Variants in CLN5 observed in about 807,000 individuals in gnomAD.
CLN5 encodes bis(monoacylglycero)phosphate synthase CLN5.
Under a neutral mutation model 36.7 loss-of-function variants are expected in CLN5, and 34 were observed. The ratio of observed to expected loss-of-function variants is 0.93; its 90% CI spans 0.71 to 1.23. The LOEUF is 1.23. CLN5 is among the 50% of genes most tolerant of loss of function. The pLI, the probability that CLN5 is intolerant of heterozygous loss-of-function variation, is 0.00. For synonymous variants in CLN5, 151 were observed against 155.1 expected (o/e 0.97, Z 0.20); for missense variants, 427 against 439.4 (o/e 0.97, Z 0.25).
chr13:77,000,341 T>C (rs2034336217), intron 3 of CLN5, 117 bp from the exon 4 acceptor site: 5 of 927,472 alleles, frequency 5.4e-6, no homozygotes, highest in Non-Finnish European at 6.3e-6. Context: ...GCTGTGATGT[T>C]ACCACCGCAC....
chr13:76,995,341 T>C, intron 2 of CLN5, 113 bp downstream of exon 2: 1 of 971,382 alleles, frequency 1.0e-6, no homozygotes, highest in Admixed American at 1.7e-5. Flanking sequence ...ATGTTGGTGT[T>C]TGTCTTAGTA....
chr13:76,996,482 A>C (rs756778943), intron 3 of CLN5: 1 of 271,064 alleles, frequency 3.7e-6, no homozygotes, highest in Non-Finnish European at 7.1e-6. Flanking sequence ...TCCCAAAGTT[A>C]ATCATTCTTA....
chr13:76,996,154 T>G, intron 3 of CLN5, 27 bp downstream of exon 3: 1 of 1,543,012 alleles, frequency 6.5e-7, no homozygotes, highest in Non-Finnish European at 9.0e-7. Context: ...TAGCAATATT[T>G]GATCATTGCA....
chr13:76,995,654 T>C lies in CLN5; in HGVS notation c.340-248T>C, dbSNP rs45587934. ...TCTAAGCTCTAAGGAAATTATCAGC[T>C]TGTCCACATAACATGCAGGCCTCCT... On this transcript the variant is annotated intron_variant, in intron 2 of 3. Coordinates refer to ENST00000377453, the MANE Select transcript of CLN5 (RefSeq NM_006493.4). 2,293 of 569,946 alleles carry C rather than the reference T, an allele frequency of 4.0e-3. 46 individuals carry two copies. Among genetic ancestry groups the C allele is most frequent in the African/African-American group, 0.039 (2,081 of 53,436 alleles). The allele number at this position is 569,946 out of a possible 1,614,324, so 35.3% of individuals were successfully genotyped here.
At position 77,000,691 on chromosome 13, in the gene CLN5, A is replaced by G. The variant is rs752135206; in HGVS notation, c.799A>G (p.Thr267Ala). ...TRIFLYSGEP[T>A]YLGNETSVFG... ...AATATTTCTTTACAGTGGAGAACCT[A>G]CTTATCTGGGAAATGAAACATCTGT... Residue 267 changes from threonine (T) to alanine (A), a missense_variant, in exon 4 of 4, where the codon ACT (threonine) becomes GCT (alanine). By Grantham distance (58) the Thr-to-Ala change is moderately conservative. Coordinates refer to ENST00000377453, the MANE Select transcript of CLN5 (RefSeq NM_006493.4). 3.1e-6 allele frequency: 5 copies of G among 1,614,004 alleles called. No homozygotes were observed. Among genetic ancestry groups the G allele is most frequent in the African/African-American group, 1.3e-5 (1 of 74,938 alleles).
At position 76,996,049 on chromosome 13, in the gene CLN5, G is replaced by A. The variant is rs148544801; in HGVS notation, c.487G>A (p.Ala163Thr). The A allele has an allele frequency of 5.0e-6, 8 of 1,614,010 alleles. No homozygotes were observed. The highest frequency in any genetic ancestry group is 2.2e-5 in the East Asian group (1 of 44,884). The change falls in exon 3 of 4, where the codon GCT becomes ACT. Residue 163 changes from alanine (A) to threonine (T), a missense_variant. By Grantham distance (58) the Ala-to-Thr change is moderately conservative. Coordinates refer to ENST00000377453, the MANE Select transcript of CLN5 (RefSeq NM_006493.4). ...TGCCCCTTTCTGGTGTAATCAAGGC[G>A]CTGCCTGCTTTTTTGAGGGAATTGA... ...MDAPFWCNQG[A>T]ACFFEGIDDV...
chr13:76,999,330 GC>G (rs1277096925), intron 3 of CLN5: 1 of 152,214 alleles, frequency 6.6e-6, no homozygotes, highest in Non-Finnish European at 1.5e-5. Flanking sequence ...CATTATAAAT[GC>G]CCAAGATGAG....
rs1213074445 is a variant in CLN5, at chr13:76,992,225, C to T, written c.127C>T (p.Arg43Trp). 6.3e-7 allele frequency: 1 copy of T among 1,595,942 alleles called. No homozygotes were observed. Among genetic ancestry groups the T allele is most frequent in the Non-Finnish European group, 8.5e-7 (1 of 1,175,824 alleles). The change falls in exon 1 of 4, where the codon CGG (arginine) becomes TGG (tryptophan). Residue 43 changes from arginine (R) to tryptophan (W), a missense_variant. Arg to Trp is a moderately radical substitution (Grantham distance 101, BLOSUM62 -3). Coordinates refer to ENST00000377453, the MANE Select transcript of CLN5 (RefSeq NM_006493.4). ...GCTCGCGGTGGTTCCGGGCTGGTCC[C>T]GGGTCTCGGGCATCCCCTCCCGGCG... ...LWLAVVPGWS[R>W]VSGIPSRRHW... is the part of the protein sequence containing the mutation.
chr13:76,996,963 T>A (rs988009029), intron 3 of CLN5: 1 of 151,548 alleles, frequency 6.6e-6, no homozygotes, highest in Admixed American at 6.6e-5. Context: ...CCAATATCTA[T>A]TTTTTTTTAT....
Position 77,001,857 on chromosome 13 carries a change from AG to A in CLN5, c.*890del, listed in dbSNP as rs1170024259. 6.6e-6 allele frequency: 1 copy of A among 152,232 alleles called. No homozygotes were observed. 9.4% of individuals were successfully genotyped at this position (152,232 alleles called of 1,614,324 possible). ...TGGCTGCAGACACGTTTGGGTAAACAGGCACCTTCTGACTTCTTCATTGTTT... is the reference window on the plus strand; with the variant it reads ...TGGCTGCAGACACGTTTGGGTAAACAGCACCTTCTGACTTCTTCATTGTTT... On this transcript the variant is annotated 3_prime_UTR_variant, in exon 4 of 4. Transcript: ENST00000377453.
At chr13:76,995,454 C>T in intron 2 of CLN5, 1 of 559,440 alleles carries the variant, frequency 1.8e-6, no homozygotes, top group East Asian at 3.2e-5. Context: ...AATCTGAAAC[C>T]AGCTCCTGTA....
At position 77,002,175 on chromosome 13, in the gene CLN5, G is replaced by A. The variant is rs1284443668; in HGVS notation, c.*1206G>A. The A allele has an allele frequency of 6.6e-6, 1 of 152,190 alleles. No homozygotes were observed. The highest frequency in any genetic ancestry group is 1.5e-5 in the Non-Finnish European group (1 of 68,040). The allele number at this position is 152,190 out of a possible 1,614,324, so 9.4% of individuals were successfully genotyped here. Reference sequence around the variant, plus strand: ...TCAACTTTCAAGTACTTCCTGAGAGGTTAGTACATTATTATTGAGCTCTCA... The same window carrying A: ...TCAACTTTCAAGTACTTCCTGAGAGATTAGTACATTATTATTGAGCTCTCA... On this transcript the variant is annotated 3_prime_UTR_variant, in exon 4 of 4. Coordinates refer to ENST00000377453, the MANE Select transcript of CLN5 (RefSeq NM_006493.4).
Position 77,001,075 on chromosome 13 carries a change from A to G in CLN5, c.*106A>G. ...TTAGCCTTTCTTCCTTGGTGCATAA[A>G]GTTAAAATGCACATCAGCAGAATTG... is the stretch of plus-strand genomic sequence containing the variant. On this transcript the variant is annotated 3_prime_UTR_variant, in exon 4 of 4. Transcript: ENST00000377453. 1.0e-6 allele frequency: 1 copy of G among 979,806 alleles called. No individual in the cohort carries two copies. Among genetic ancestry groups the G allele is most frequent in the Non-Finnish European group, 1.5e-6 (1 of 647,556 alleles). The allele number at this position is 979,806 out of a possible 1,614,324, so 60.7% of individuals were successfully genotyped here.
In CLN5 at chr13:76,992,199, G is replaced by A. The variant is rs1392663300; in HGVS notation, c.101G>A (p.Trp34Ter). The A allele has an allele frequency of 6.2e-7, 1 of 1,603,768 alleles. No individual in the cohort carries two copies. Among genetic ancestry groups the A allele is most frequent in the South Asian group, 1.1e-5 (1 of 90,504 alleles). The change falls in exon 1 of 4, where the codon TGG (tryptophan) becomes TAG (stop). Residue 34 changes from tryptophan to a stop codon, truncating the protein, a stop_gained. Transcript: ENST00000377453. LOFTEE classifies it high-confidence loss of function. ...TGGTGCTGGGCCCTGGCGCTGCTTT[G>A]GCTCGCGGTGGTTCCGGGCTGGTCC... is the stretch of plus-strand genomic sequence containing the variant. Reference protein sequence around the residue: ...ASWCWALALLWLAVVPGWSRV... With the variant: ...ASWCWALALL
chr13:77,000,096 A>C (rs1487044919), intron 3 of CLN5: 1 of 152,926 alleles, frequency 6.5e-6, no homozygotes, highest in Non-Finnish European at 1.5e-5. Flanking sequence ...ATGGTAGCTC[A>C]AACCTATAAT....
chr13:77,001,885 C>A lies in CLN5; in HGVS notation c.*916C>A, dbSNP rs930149979. ...CACCTTCTGACTTCTTCATTGTTTC[C>A]TGTAGTTCTCCCTCTTCCCACAAAG... On this transcript the variant is annotated 3_prime_UTR_variant, in exon 4 of 4. Coordinates refer to ENST00000377453, the MANE Select transcript of CLN5 (RefSeq NM_006493.4). 1 of 152,184 alleles carries A rather than the reference C, an allele frequency of 6.6e-6. No individual in the cohort carries two copies. Among genetic ancestry groups the A allele is most frequent in the Non-Finnish European group, 1.5e-5 (1 of 68,028 alleles). 9.4% of individuals were successfully genotyped at this position (152,184 alleles called of 1,614,324 possible).
intron 1 of CLN5, 200 bp from the exon 2 acceptor site, chr13:76,994,863 C>G (rs2034238099): frequency 1.9e-6 from 1 of 536,392 alleles, no homozygotes; most frequent in Non-Finnish European, 3.3e-6. Flanking sequence ...CCGTATTTAT[C>G]AGAGTGCTTT....
At chr13:76,996,252 T>C (rs550840549) in intron 3 of CLN5, 125 bp downstream of exon 3, 1 of 835,572 alleles carries the variant, frequency 1.2e-6, no homozygotes. Context: ...AATGTACTTT[T>C]GGAACCATTA....
At chr13:76,998,120 A>G (rs1217256655) in intron 3 of CLN5, 1 of 152,294 alleles carries the variant, frequency 6.6e-6, no homozygotes, top group African/African-American at 2.4e-5. Context: ...GTTACGCCCC[A>G]TTGCCCATTC....
Sources: allele counts gnomAD v4.1 joint callset, GRCh38; gene constraint gnomAD v4.1.1; transcripts MANE v1.5; gene names NCBI Gene and HGNC (gene_info 2026-07-23, HGNC 2026-07-21).